Variants in PRKCE observed in about 807,000 individuals in gnomAD.
The protein encoded by PRKCE is protein kinase C epsilon type.
A neutral mutation model predicts 85.4 loss-of-function variants in PRKCE; 16 were observed. The ratio of observed to expected loss-of-function variants is 0.19; its 90% CI spans 0.13 to 0.28. The LOEUF (loss-of-function observed/expected upper bound fraction) is 0.28, where lower values mean the gene tolerates loss of function less well. PRKCE is among the 10% of genes least tolerant of loss of function. PRKCE has a pLI of 1.00. For missense variants in PRKCE, 573 were observed against 975.2 expected, an observed-to-expected ratio of 0.59 and a Z score of 5.49; for synonymous variants, 388 against 371.5, an observed-to-expected ratio of 1.04 and a Z score of -0.51.
intron 1 of PRKCE, among the ~76,000 whole-genome samples, chr2:45,686,014 T>C (rs1677271331): frequency 6.6e-6 from 1 of 152,186 alleles, no homozygotes. Flanking sequence ...ATCAATCATA[T>C]AGAATCACAT....
rs139707609 is a variant in PRKCE at position 46,004,035 on chromosome 2, G to A, written c.967-507G>A. The A allele has an allele frequency of 7.1e-3, 1,206 of 170,940 alleles. 11 individuals carry two copies. The highest frequency in any genetic ancestry group is 9.0e-3 in the Non-Finnish European group (706 of 78,310). 10.6% of individuals were successfully genotyped at this position (170,940 alleles called of 1,614,324 possible). A position where few individuals can be genotyped will look rare whatever the true frequency, so the allele number is the denominator to read the frequency against. On this transcript the variant is annotated intron_variant, in intron 7 of 14. Coordinates refer to ENST00000306156, the MANE Select transcript of PRKCE (RefSeq NM_005400.3). The surrounding 1 kb of genome is among the most constrained non-coding windows in gnomAD (Gnocchi z 4.1). ...TGGCTTTCCGTTCAAAGATCTCTTT[G>A]CAGTCTTTGTCCAGCTTTAGCCTGG...
At chr2:45,975,990 G>A (rs1184778987) in intron 2 of PRKCE, among the ~76,000 whole-genome samples, 1 of 152,188 alleles carries the variant, frequency 6.6e-6, no homozygotes, top group African/African-American at 2.4e-5. Flanking sequence ...CCCTGTGGCT[G>A]GCACTGCCAT....
Position 46,023,007 on chromosome 2 carries a change from C to T in PRKCE, c.1437+12490C>T, listed in dbSNP as rs559288758. 4.3e-5 allele frequency among the ~76,000 whole-genome samples: 6 copies of T among 140,120 alleles called. No individual in the cohort carries two copies. In the South Asian group the frequency reaches 7.0e-4, roughly 16 times the overall value. 91.9% of individuals were successfully genotyped at this position (140,120 alleles called of 152,430 possible). On this transcript the variant is annotated intron_variant, in intron 10 of 14. Coordinates refer to ENST00000306156, the MANE Select transcript of PRKCE (RefSeq NM_005400.3). Reference sequence around the variant, plus strand: ...CTGAGGCAGGAGAATGGCGTGAACCCGGGAAGCGGAGCTTGCAGTGAGCCG... The same window carrying T: ...CTGAGGCAGGAGAATGGCGTGAACCTGGGAAGCGGAGCTTGCAGTGAGCCG...
chr2:45,924,917 G>C (rs1488783539), intron 2 of PRKCE, among the ~76,000 whole-genome samples: 3 of 152,132 alleles, frequency 2.0e-5, no homozygotes, highest in Non-Finnish European at 4.4e-5. Context: ...TGAGTTCCTT[G>C]GTGCTCATCA....
intron 2 of PRKCE, among the ~76,000 whole-genome samples, chr2:45,898,725 T>C (rs138765199): frequency 6.6e-6 from 1 of 151,038 alleles, no homozygotes; most frequent in East Asian, 2.0e-4. Flanking sequence ...AATAGAGGAG[T>C]AGAGAGAGGG....
intron 2 of PRKCE, among the ~76,000 whole-genome samples, chr2:45,899,093 C>T (rs1022777213): frequency 3.3e-5 from 5 of 152,180 alleles, no homozygotes; most frequent in African/African-American, 7.2e-5. Flanking sequence ...ATCCAAGTCC[C>T]GCAGGACAGG....
At chr2:46,081,640 G>A (rs1476643008) in intron 10 of PRKCE, among the ~76,000 whole-genome samples, 2 of 152,170 alleles carry the variant, frequency 1.3e-5, no homozygotes, top group Admixed American at 6.5e-5. Flanking sequence ...GGAGGGGAGA[G>A]AAGAAAACGT....
intron 14 of PRKCE, among the ~76,000 whole-genome samples, chr2:46,168,838 C>T (rs1349161626): frequency 1.3e-5 from 2 of 152,138 alleles, no homozygotes; most frequent in East Asian, 1.9e-4. Flanking sequence ...CCTATGTCAG[C>T]CCCCTTCTCA....
At chr2:45,955,130 A>G (rs1700883936) in intron 2 of PRKCE, among the ~76,000 whole-genome samples, 1 of 152,242 alleles carries the variant, frequency 6.6e-6, no homozygotes, top group Non-Finnish European at 1.5e-5. Flanking sequence ...ATGGATGAAT[A>G]TCCAATTCAA....
chr2:46,128,142 T>C (rs1467017680), intron 11 of PRKCE, among the ~76,000 whole-genome samples: 2 of 152,238 alleles, frequency 1.3e-5, no homozygotes, highest in Non-Finnish European at 2.9e-5. Context: ...TTCTATTCCT[T>C]ACCTGGTTCC....
intron 1 of PRKCE, among the ~76,000 whole-genome samples, chr2:45,756,722 T>A (rs889870647): frequency 4.4e-4 from 67 of 152,226 alleles, no homozygotes; most frequent in African/African-American, 1.5e-3. Flanking sequence ...CAATTTGGAA[T>A]GCACATTATA....
At chr2:46,098,585 T>C (rs1670924769) in intron 11 of PRKCE, among the ~76,000 whole-genome samples, 1 of 152,186 alleles carries the variant, frequency 6.6e-6, no homozygotes, top group South Asian at 2.1e-4. Flanking sequence ...AAGGGCTAAT[T>C]TGAGGTGTTG....
intron 1 of PRKCE, among the ~76,000 whole-genome samples, chr2:45,716,193 T>G (rs1260714493): frequency 6.6e-6 from 1 of 152,172 alleles, no homozygotes; most frequent in East Asian, 1.9e-4. Context: ...GGTGCCATGG[T>G]GTATTACTTC....
chr2:45,969,597 C>T (rs912325295), intron 2 of PRKCE, among the ~76,000 whole-genome samples: 3 of 152,228 alleles, frequency 2.0e-5, no homozygotes, highest in Non-Finnish European at 2.9e-5. Flanking sequence ...CTCTCCCCTT[C>T]TCCACGGCAA....
At chr2:46,142,877 C>G (rs2104473636) in intron 11 of PRKCE, among the ~76,000 whole-genome samples, 1 of 152,324 alleles carries the variant, frequency 6.6e-6, no homozygotes, top group Middle Eastern at 3.4e-3. Flanking sequence ...TCAATTTATA[C>G]AAAATTAGAA....
intron 10 of PRKCE, among the ~76,000 whole-genome samples, chr2:46,059,699 T>G (rs1666927327): frequency 6.6e-6 from 1 of 152,004 alleles, no homozygotes; most frequent in South Asian, 2.1e-4. Context: ...GTCAGCTGCT[T>G]GGCAGGCTGA....
chr2:46,132,404 C>T (rs1034905769), intron 11 of PRKCE, among the ~76,000 whole-genome samples: 5 of 152,176 alleles, frequency 3.3e-5, no homozygotes, highest in Non-Finnish European at 5.9e-5. Flanking sequence ...CATGCACGAG[C>T]TGAACTGCTG....
At position 46,185,268 on chromosome 2, in the gene PRKCE, A is replaced by T. The variant is rs757435189; in HGVS notation, c.*387A>T. On this transcript the variant is annotated 3_prime_UTR_variant, in exon 15 of 15. Coordinates refer to ENST00000306156, the MANE Select transcript of PRKCE (RefSeq NM_005400.3). The surrounding 1 kb of genome is among the most constrained non-coding windows in gnomAD (Gnocchi z 4.7). ...AAGAAGACTCCGGCTCTGCTATCGG[A>T]CACAGATCCTGATCCCTCTTGCTTC... 4.8e-5 allele frequency: 9 copies of T among 186,018 alleles called. No homozygotes were observed. Among genetic ancestry groups the T allele is most frequent in the Non-Finnish European group, 1.0e-4 (9 of 89,840 alleles). 11.5% of individuals were successfully genotyped at this position (186,018 alleles called of 1,614,324 possible).
At chr2:45,758,861 C>T (rs896586226) in intron 1 of PRKCE, among the ~76,000 whole-genome samples, 6 of 152,188 alleles carry the variant, frequency 3.9e-5, no homozygotes, top group Non-Finnish European at 5.9e-5. Flanking sequence ...CTTCAGGCCT[C>T]AGCCTCCTCA....
Sources: allele counts gnomAD v4.1 joint callset (sites outside exome capture counted in the v4.1 genomes callset), GRCh38; gene constraint gnomAD v4.1.1; non-coding constraint Gnocchi (gnomAD v3.1); transcripts MANE v1.5; gene names NCBI Gene and HGNC (gene_info 2026-07-23, HGNC 2026-07-21).